KIF21B: variants seen among roughly 807,000 people sequenced by gnomAD.
KIF21B encodes kinesin family member 21B, also known as kinesin-like protein KIF21B.
A neutral mutation model predicts 192.9 loss-of-function variants in KIF21B; 85 were observed. That is an observed-to-expected ratio of 0.44 (90% CI 0.37 to 0.53). The LOEUF is 0.53. Ranked by LOEUF, KIF21B falls within the 20% of genes least tolerant of loss-of-function variation. The pLI is 0.00. For synonymous variants in KIF21B, 832 were observed against 884.6 expected (o/e 0.94, Z 1.05); for missense variants, 1,716 against 2,194.8 (o/e 0.78, Z 4.36).
Position 201,004,880 on chromosome 1 carries a change from A to G in KIF21B, c.786T>C (p.Tyr262=). ...LPDGTPPSSE[Y]ETLTAKFHFV... ...AGTGAAACTTAGCAGTGAGTGTCTC[A>G]TACTCACTCGAGGGAGGTGTACCAT... The change falls in exon 6 of 35, where the codon TAT becomes TAC. Residue 262 remains tyrosine (Y), a synonymous_variant. Transcript: ENST00000461742. 6.2e-7 allele frequency: 1 copy of G among 1,612,846 alleles called. No individual in the cohort carries two copies. The highest frequency in any genetic ancestry group is 8.5e-7 in the Non-Finnish European group (1 of 1,178,886).
chr1:200,995,144 C>T (rs1054867919), intron 15 of KIF21B, among the ~76,000 whole-genome samples: 1 of 152,226 alleles, frequency 6.6e-6, no homozygotes, highest in Non-Finnish European at 1.5e-5. Flanking sequence ...TCAGAATCTA[C>T]ATCAGCCACC....
At chr1:201,003,839 T>C in intron 7 of KIF21B, 58 bp from the exon 8 acceptor site, 7 of 1,563,418 alleles carry the variant, frequency 4.5e-6, no homozygotes, top group Admixed American at 1.7e-5. Context: ...CCCAGAAGCA[T>C]TGCCTCAGGG....
chr1:201,022,865 G>A lies in KIF21B; in HGVS notation c.41+478C>T, dbSNP rs573809002. Among the ~76,000 whole-genome samples the A allele has an allele frequency of 3.9e-5, 6 of 152,322 alleles. No individual in the cohort carries two copies. In the East Asian group the frequency reaches 7.7e-4, roughly 20 times the overall value. On this transcript the variant is annotated intron_variant, in intron 1 of 34. Transcript: ENST00000461742. The stretch of plus-strand genomic sequence containing the variant: ...AGCTTTTCCGTTGGTCCCCGCACCC[G>A]ATCTTTGTCTGCAGATCTGGCTCCC...
intron 32 of KIF21B, among the ~76,000 whole-genome samples, 173 bp downstream of exon 32, chr1:200,976,603 A>C (rs1458326846): frequency 6.6e-6 from 1 of 152,246 alleles, no homozygotes; most frequent in Non-Finnish European, 1.5e-5. Context: ...TTACAAAATA[A>C]TGCTGCAATC....
rs1476661296 is a variant in KIF21B at position 200,971,116 on chromosome 1, A to C, written c.*2405T>G. The C allele has an allele frequency of 1.3e-5, 2 of 152,790 alleles. No homozygotes were observed. The highest frequency in any genetic ancestry group is 4.8e-5 in the African/African-American group (2 of 41,462). 9.5% of individuals were successfully genotyped at this position (152,790 alleles called of 1,614,324 possible). ...CTTCCAACATTTAGGGTGCTTGTGC[A>C]GTGAGTGGAGCTGGGGGCCTGCCCC... is the stretch of plus-strand genomic sequence containing the variant. On this transcript the variant is annotated 3_prime_UTR_variant, in exon 35 of 35. Transcript: ENST00000461742.
chr1:200,971,694 G>A lies in KIF21B; in HGVS notation c.*1827C>T, dbSNP rs902837549. 1.3e-5 allele frequency: 2 copies of A among 152,318 alleles called. No individual in the cohort carries two copies. Among genetic ancestry groups the A allele is most frequent in the African/African-American group, 4.8e-5 (2 of 41,442 alleles). 9.4% of individuals were successfully genotyped at this position (152,318 alleles called of 1,614,324 possible). On this transcript the variant is annotated 3_prime_UTR_variant, in exon 35 of 35. Coordinates refer to ENST00000461742, the MANE Select transcript of KIF21B (RefSeq NM_001252102.2). The stretch of plus-strand genomic sequence containing the variant: ...GGTCCCAGGAGACCAGCATCCAAGG[G>A]GGTCTCCTTCCTGCTATCAGCTGCC...
rs757968603 is a variant in KIF21B, at chr1:200,990,182, T to C, written c.2986A>G (p.Ile996Val). ...ACGATGGTGGCCTGGCAGTCGGTGA[T>C]GCCGTCATTGATGTAGTCAATGTTG... ...AANIDYINDGITDCQATIVQL... is the reference protein window; with the variant it reads ...AANIDYINDGVTDCQATIVQL... The change falls in exon 20 of 35, where the codon ATC becomes GTC. Residue 996 changes from isoleucine (I) to valine (V), a missense_variant. This residue lies in a region of KIF21B where 49 missense variants were observed against 102.6 expected (regional missense o/e 0.48). Transcript: ENST00000461742. This position sits in a 1 kb window ranked among gnomAD's most constrained non-coding sequence, Gnocchi z 5.4. 2 of 1,614,080 alleles carry C rather than the reference T, an allele frequency of 1.2e-6. No homozygotes were observed. Among genetic ancestry groups the C allele is most frequent in the East Asian group, 2.2e-5 (1 of 44,882 alleles).
At chr1:200,997,799 T>C (rs910169759) in intron 14 of KIF21B, among the ~76,000 whole-genome samples, 5 of 152,278 alleles carry the variant, frequency 3.3e-5, no homozygotes, top group African/African-American at 7.2e-5. Flanking sequence ...GTAGTTCCTG[T>C]TCCCCTTCCT....
Position 200,982,897 on chromosome 1 carries a change from C to T in KIF21B, c.3842+159G>A, listed in dbSNP as rs1374102051. ...CCCTGAGAGAGAGGAACCATGGGGG[C>T]AGGAACAGGTCTGGAGAGGGGGGCA... On this transcript the variant is annotated intron_variant, in intron 28 of 34. Coordinates refer to ENST00000461742, the MANE Select transcript of KIF21B (RefSeq NM_001252102.2). This position sits in a 1 kb window ranked among gnomAD's most constrained non-coding sequence, Gnocchi z 4.7. Among the ~76,000 whole-genome samples the T allele has an allele frequency of 1.3e-5, 2 of 152,066 alleles. No individual in the cohort carries two copies. The highest frequency in any genetic ancestry group is 2.4e-5 in the African/African-American group (1 of 41,410).
intron 1 of KIF21B, among the ~76,000 whole-genome samples, chr1:201,020,311 TCG>T (rs1658743420): frequency 1.3e-5 from 2 of 152,054 alleles, no homozygotes; most frequent in Non-Finnish European, 2.9e-5. Context: ...TACCCCTTTC[TCG>T]CCCCATTTGT....
rs1657071622 is a variant in KIF21B, at chr1:200,996,407, G to A, written c.2078-12C>T. On this transcript the variant is annotated splice_polypyrimidine_tract_variant and intron_variant, in intron 14 of 34. Coordinates refer to ENST00000461742, the MANE Select transcript of KIF21B (RefSeq NM_001252102.2). ...GCACTCCATGGTGCCTGAGAGCAAG[G>A]AGACGCAGCTGTCGGTGCTGGGTCC... 1 of 1,612,936 alleles carries A rather than the reference G, an allele frequency of 6.2e-7. No homozygotes were observed. Among genetic ancestry groups the A allele is most frequent in the Non-Finnish European group, 8.5e-7 (1 of 1,179,334 alleles).
chr1:200,983,006 T>A (rs1236493315), intron 28 of KIF21B, 50 bp downstream of exon 28: 11 of 1,493,578 alleles, frequency 7.4e-6, no homozygotes, highest in Non-Finnish European at 9.9e-6. Flanking sequence ...GAAGAGAGGG[T>A]GCCGAGAGTG....
chr1:201,004,614 G>T, intron 6 of KIF21B, 152 bp downstream of exon 6: 1 of 1,157,294 alleles, frequency 8.6e-7, no homozygotes. Context: ...TGGTGAAATG[G>T]GGAAGCTGGG....
At chr1:200,976,575 T>C (rs1407858222) in intron 32 of KIF21B, among the ~76,000 whole-genome samples, 1 of 152,266 alleles carries the variant, frequency 6.6e-6, no homozygotes, top group Non-Finnish European at 1.5e-5. Context: ...ATTTAAGTTA[T>C]TATGAATTTT....
At chr1:201,009,053 C>G in intron 2 of KIF21B, 102 bp from the exon 3 acceptor site, 1 of 1,369,678 alleles carries the variant, frequency 7.3e-7, no homozygotes, top group South Asian at 1.4e-5. Flanking sequence ...CCTCCCAGCC[C>G]GGTTCCCCTG....
intron 1 of KIF21B, among the ~76,000 whole-genome samples, chr1:201,010,568 G>C (rs1658172795): frequency 6.6e-6 from 1 of 152,184 alleles, no homozygotes; most frequent in South Asian, 2.1e-4. Flanking sequence ...AAGTAAAAGG[G>C]GCTGGGGGTT....
At chr1:200,973,865 G>A (rs776498237) in intron 34 of KIF21B, 4 of 1,446,000 alleles carry the variant, frequency 2.8e-6, no homozygotes, top group African/African-American at 1.4e-5. Flanking sequence ...TCTGCTCCCT[G>A]GCACCCATCT....
intron 24 of KIF21B, among the ~76,000 whole-genome samples, chr1:200,987,432 T>G (rs149115131): frequency 8.5e-4 from 129 of 151,708 alleles, no homozygotes; most frequent in African/African-American, 2.9e-3. Flanking sequence ...TCTGTAGAGA[T>G]AGGGTCTCGC....
Position 200,999,849 on chromosome 1 carries a change from C to A in KIF21B, c.1767+34G>T. Reference sequence around the variant, plus strand: ...AACCCCAGCAGGGACACAAGGCATGCATGTGGTGAGGTGGGGCGGCCCGTG... The same window carrying A: ...AACCCCAGCAGGGACACAAGGCATGAATGTGGTGAGGTGGGGCGGCCCGTG... On this transcript the variant is annotated intron_variant, in intron 12 of 34. Coordinates refer to ENST00000461742, the MANE Select transcript of KIF21B (RefSeq NM_001252102.2). This position sits in a 1 kb window ranked among gnomAD's most constrained non-coding sequence, Gnocchi z 4.7. 2 of 1,608,044 alleles carry A rather than the reference C, an allele frequency of 1.2e-6. No homozygotes were observed. The highest frequency in any genetic ancestry group is 2.2e-5 in the South Asian group (2 of 91,002).
Sources: gnomAD v4.1 joint callset for allele counts (sites outside exome capture counted in the v4.1 genomes callset) on GRCh38, gnomAD v4.1.1 for gene constraint, gnomAD v4.1.1 regional missense constraint, Gnocchi (gnomAD v3.1) non-coding constraint, MANE v1.5 for transcripts, NCBI Gene and HGNC (gene_info 2026-07-23, HGNC 2026-07-21) for gene names.